Variants in CCDC148 observed in about 807,000 individuals in gnomAD.
CCDC148 encodes coiled-coil domain containing 148.
CCDC148 carries 89 observed loss-of-function variants against 85.7 expected under a neutral mutation model. That is an observed-to-expected ratio of 1.04 (90% CI 0.87 to 1.24). CCDC148 has a LOEUF of 1.24. CCDC148 is among the 50% of genes most tolerant of loss of function. The pLI is 0.00. For synonymous variants in CCDC148, 230 were observed against 213.9 expected (o/e 1.08, Z -0.66); for missense variants, 692 against 671.7 (o/e 1.03, Z -0.33).
At chr2:158,284,575 A>C (rs544976724) in intron 9 of CCDC148, among the ~76,000 whole-genome samples, 2 of 152,298 alleles carry the variant, frequency 1.3e-5, no homozygotes, top group African/African-American at 4.8e-5. Flanking sequence ...CTGAGTGAAA[A>C]ACTGCAGCAG....
rs578232090 is a variant in CCDC148, at chr2:158,235,485, CT to C, written c.1252-14773del. Among the ~76,000 whole-genome samples, 220 of 152,312 alleles carry C rather than the reference CT, an allele frequency of 1.4e-3. 1 individual carries two copies. Among genetic ancestry groups the C allele is most frequent in the African/African-American group, 5.1e-3 (214 of 41,588 alleles). On this transcript the variant is annotated intron_variant, in intron 10 of 13. Coordinates refer to ENST00000283233, the MANE Select transcript of CCDC148 (RefSeq NM_138803.4). ...ATTGACTTAGGCTCTTGTAAAATTT[CT>C]ACTGAAAATGCTATCCATTGAGTGG...
At chr2:158,433,087 A>ATATATATAT (rs1242018411) in intron 1 of CCDC148, among the ~76,000 whole-genome samples, 773 of 51,306 alleles carry the variant, frequency 0.015, 2 homozygotes, top group East Asian at 0.06. Context: ...AAAAAAAAAA[A>ATATATATAT]AAAAATATAT....
At chr2:158,282,976 A>T (rs1690407210) in intron 9 of CCDC148, among the ~76,000 whole-genome samples, 1 of 152,230 alleles carries the variant, frequency 6.6e-6, no homozygotes, top group South Asian at 2.1e-4. Flanking sequence ...ATAACGCTGC[A>T]TATCTACAAC....
At chr2:158,438,681 A>C (rs969975357) in intron 1 of CCDC148, among the ~76,000 whole-genome samples, 2 of 152,204 alleles carry the variant, frequency 1.3e-5, no homozygotes, top group Non-Finnish European at 2.9e-5. Context: ...CATCAGAGTG[A>C]ACAGGCAACC....
intron 9 of CCDC148, among the ~76,000 whole-genome samples, chr2:158,291,592 A>C (rs951380049): frequency 1.3e-5 from 2 of 152,116 alleles, no homozygotes; most frequent in Non-Finnish European, 2.9e-5. Flanking sequence ...TTTGGTGTTT[A>C]TATGGTTGCC....
intron 10 of CCDC148, among the ~76,000 whole-genome samples, chr2:158,239,887 G>A (rs1011934400): frequency 2.6e-4 from 38 of 145,698 alleles, no homozygotes; most frequent in Non-Finnish European, 4.0e-4. Flanking sequence ...TTACCAATTA[G>A]GTTTTTTTTT....
At chr2:158,294,129 G>C (rs2105191441) in intron 9 of CCDC148, among the ~76,000 whole-genome samples, 1 of 147,742 alleles carries the variant, frequency 6.8e-6, no homozygotes, top group African/African-American at 2.5e-5. Flanking sequence ...TTTATTTTAT[G>C]TTCCTATAGT....
intron 2 of CCDC148, among the ~76,000 whole-genome samples, chr2:158,347,391 C>T (rs1683047289): frequency 6.6e-6 from 1 of 151,692 alleles, no homozygotes; most frequent in South Asian, 2.1e-4. Context: ...TTTTGCAGAA[C>T]ATACTGATTT....
At chr2:158,397,684 T>C (rs1490635089) in intron 1 of CCDC148, among the ~76,000 whole-genome samples, 1 of 152,048 alleles carries the variant, frequency 6.6e-6, no homozygotes, top group Non-Finnish European at 1.5e-5. Context: ...CATGCCAAAT[T>C]GTAAAGACCA....
At chr2:158,333,204 T>G (rs2356084) in intron 7 of CCDC148, among the ~76,000 whole-genome samples, 118,008 of 152,076 alleles carry the variant, frequency 0.78, 46,111 homozygotes, top group East Asian at 0.95. Context: ...GTGTCCCAGA[T>G]ATTCTGGTAA....
At position 158,383,109 on chromosome 2, in the gene CCDC148, G is replaced by A. The variant is rs575599339; in HGVS notation, c.26-24539C>T. ...GAGGTCAGGAGTTCAAGACCAGCCT[G>A]GCCAACATGGTGAAACCCTGTCTCT... is the stretch of plus-strand genomic sequence containing the variant. On this transcript the variant is annotated intron_variant, in intron 1 of 13. Transcript: ENST00000283233. Among the ~76,000 whole-genome samples, 16 of 151,740 alleles carry A rather than the reference G, an allele frequency of 1.1e-4. No individual in the cohort carries two copies. In the East Asian group the frequency reaches 3.1e-3, roughly 30 times the overall value.
chr2:158,415,329 C>A (rs553679533), intron 1 of CCDC148, among the ~76,000 whole-genome samples: 1 of 152,180 alleles, frequency 6.6e-6, no homozygotes, highest in African/African-American at 2.4e-5. Context: ...AGAATTCACT[C>A]ACTATCATGA....
At chr2:158,239,822 C>A (rs542639138) in intron 10 of CCDC148, among the ~76,000 whole-genome samples, 1 of 151,736 alleles carries the variant, frequency 6.6e-6, no homozygotes, top group African/African-American at 2.4e-5. Context: ...GTCTTGTCTA[C>A]AAAAAACATA....
chr2:158,393,969 A>G (rs1685424053), intron 1 of CCDC148, among the ~76,000 whole-genome samples: 1 of 152,124 alleles, frequency 6.6e-6, no homozygotes, highest in South Asian at 2.1e-4. Context: ...TTTGCCTTTA[A>G]TGACCAAAGA....
intron 11 of CCDC148, among the ~76,000 whole-genome samples, chr2:158,213,919 T>C (rs1020146064): frequency 3.3e-5 from 5 of 151,960 alleles, no homozygotes; most frequent in Non-Finnish European, 5.9e-5. Flanking sequence ...GTGCAGTCAG[T>C]GCCCTGCTGA....
At chr2:158,366,677 T>A (rs926584464) in intron 1 of CCDC148, among the ~76,000 whole-genome samples, 2 of 152,162 alleles carry the variant, frequency 1.3e-5, no homozygotes, top group Non-Finnish European at 2.9e-5. Flanking sequence ...CTCTGATACA[T>A]AATATTTGCT....
In CCDC148 at chr2:158,172,219, C is replaced by T. The variant is rs908188525; in HGVS notation, c.1670G>A (p.Arg557Gln). 3.7e-6 allele frequency: 6 copies of T among 1,607,950 alleles called. No individual in the cohort carries two copies. Among genetic ancestry groups the T allele is most frequent in the South Asian group, 3.3e-5 (3 of 89,786 alleles). Reference sequence around the variant, plus strand: ...AAGTGTTCTATGAAGTCCAGCTTCTCGAAGTGCTAACTCGAAGCGAAGTCT... The same window carrying T: ...AAGTGTTCTATGAAGTCCAGCTTCTTGAAGTGCTAACTCGAAGCGAAGTCT... The part of the protein sequence containing the change: ...DPRLRFELAL[R>Q]EAGLHRTLYA... The change falls in exon 14 of 14, where the codon CGA becomes CAA. Residue 557 changes from arginine (R) to glutamine (Q), a missense_variant. By Grantham distance (43) the Arg-to-Gln change is conservative (BLOSUM62 1). Coordinates refer to ENST00000283233, the MANE Select transcript of CCDC148 (RefSeq NM_138803.4).
intron 1 of CCDC148, among the ~76,000 whole-genome samples, chr2:158,402,187 A>C (rs754478053): frequency 6.6e-5 from 10 of 152,064 alleles, no homozygotes; most frequent in Non-Finnish European, 1.2e-4. Context: ...GTAAAGAACA[A>C]AAAGATTAAA....
At chr2:158,266,505 A>G (rs1457093806) in intron 9 of CCDC148, among the ~76,000 whole-genome samples, 1 of 152,168 alleles carries the variant, frequency 6.6e-6, no homozygotes, top group East Asian at 1.9e-4. Context: ...TTGGGGAAAC[A>G]GGTGGTATCT....
Sources: gnomAD v4.1 joint callset for allele counts (sites outside exome capture counted in the v4.1 genomes callset) on GRCh38, gnomAD v4.1.1 for gene constraint, MANE v1.5 for transcripts, NCBI Gene and HGNC (gene_info 2026-07-23, HGNC 2026-07-21) for gene names.